Variants in KDM5A observed in about 807,000 individuals in gnomAD.
KDM5A encodes the protein lysine demethylase 5A.
In KDM5A, 42 loss-of-function variants were observed where a neutral mutation model predicts 193.5. That is an observed-to-expected ratio of 0.22 (90% CI 0.17 to 0.28). The LOEUF is 0.28. Among genes scored for constraint, KDM5A ranks in the 10% least tolerant of loss-of-function variants. KDM5A has a pLI of 1.00. For synonymous variants in KDM5A, 796 were observed against 718.1 expected (o/e 1.11, Z -1.73); for missense variants, 1,692 against 2,055.1 (o/e 0.82, Z 3.42).
At chr12:357,461 TA>T (rs1944240770) in intron 5 of KDM5A, among the ~76,000 whole-genome samples, 1 of 150,836 alleles carries the variant, frequency 6.6e-6, no homozygotes, top group African/African-American at 2.4e-5. Flanking sequence ...ATGATTGTCC[TA>T]CCACACCCCA....
chr12:383,902 C>T (rs1165611575), intron 3 of KDM5A, 129 bp downstream of exon 3: 34 of 1,014,838 alleles, frequency 3.4e-5, no homozygotes, highest in Admixed American at 6.9e-5. Flanking sequence ...GCATGCGCCA[C>T]CATACCCAGC....
At position 284,327 on chromosome 12, in the gene KDM5A, T is replaced by C. The variant is rs1460347050; in HGVS notation, c.*1129A>G. 1 of 231,248 alleles carries C rather than the reference T, an allele frequency of 4.3e-6. No homozygotes were observed. Among genetic ancestry groups the C allele is most frequent in the East Asian group, 6.2e-5 (1 of 16,220 alleles). 14.3% of individuals were successfully genotyped at this position (231,248 alleles called of 1,614,324 possible). ...AGAAAAAAGTAAAAACAAGTCCTTT[T>C]TTTTTTTTAAAAATGGATTTACTAA... On this transcript the variant is annotated 3_prime_UTR_variant, in exon 28 of 28. Coordinates refer to ENST00000399788, the MANE Select transcript of KDM5A (RefSeq NM_001042603.3).
intron 22 of KDM5A, 109 bp from the exon 23 acceptor site, chr12:308,114 T>C: frequency 7.8e-7 from 1 of 1,289,110 alleles, no homozygotes; most frequent in Non-Finnish European, 1.1e-6. Context: ...TTATAAACAG[T>C]TTCCTAAAAT....
intron 16 of KDM5A, 88 bp downstream of exon 16, chr12:322,994 A>G: frequency 6.4e-7 from 1 of 1,563,582 alleles, no homozygotes; most frequent in Non-Finnish European, 8.8e-7. Context: ...TTTTTCTTTT[A>G]CGGAAGGAAA....
At chr12:361,263 T>C (rs1329964459) in intron 5 of KDM5A, among the ~76,000 whole-genome samples, 6 of 152,074 alleles carry the variant, frequency 3.9e-5, no homozygotes, top group African/African-American at 1.4e-4. Context: ...GGCGAGATCC[T>C]GGCTCTCTGT....
At chr12:306,486 T>C (rs1419475428) in intron 24 of KDM5A, among the ~76,000 whole-genome samples, 1 of 152,178 alleles carries the variant, frequency 6.6e-6, no homozygotes, top group African/African-American at 2.4e-5. Flanking sequence ...CTCAGGCCTG[T>C]TATCCCAGCA....
At chr12:340,717 A>C (rs1339883960) in intron 10 of KDM5A, among the ~76,000 whole-genome samples, 1 of 149,232 alleles carries the variant, frequency 6.7e-6, no homozygotes, top group South Asian at 2.1e-4. Flanking sequence ...AAAAAAAAAA[A>C]AACCATTAGC....
chr12:311,441 C>T (rs894545161), intron 20 of KDM5A, among the ~76,000 whole-genome samples: 1 of 151,656 alleles, frequency 6.6e-6, no homozygotes, highest in Non-Finnish European at 1.5e-5. Flanking sequence ...GTCAGGAGCT[C>T]GAGACCAGCC....
intron 10 of KDM5A, 65 bp from the exon 11 acceptor site, chr12:334,487 AG>A (rs1943901817): frequency 7.1e-7 from 1 of 1,407,094 alleles, no homozygotes; most frequent in Non-Finnish European, 1.0e-6. Flanking sequence ...AGAAATGCCA[AG>A]GGAGTCTTCC....
rs747479670 is a variant in KDM5A at position 323,704 on chromosome 12, T to C, written c.2046A>G (p.Thr682=). 29 of 1,614,002 alleles carry C rather than the reference T, an allele frequency of 1.8e-5. No homozygotes were observed. The highest frequency in any genetic ancestry group is 2.7e-5 in the African/African-American group (2 of 74,926). ...AACATGTGAGAGCAGAGAGAAAACA[T>C]GTGGTTCTGCATGCTGAACACTGCC... is the stretch of plus-strand genomic sequence containing the variant. ...DERQCSACRT[T]CFLSALTCSC... The change falls in exon 15 of 28, where the codon ACA becomes ACG. Residue 682 remains threonine (T), a synonymous_variant. Coordinates refer to ENST00000399788, the MANE Select transcript of KDM5A (RefSeq NM_001042603.3).
intron 13 of KDM5A, among the ~76,000 whole-genome samples, chr12:329,361 G>A (rs1438652749): frequency 1.3e-5 from 2 of 151,916 alleles, no homozygotes; most frequent in African/African-American, 2.4e-5. Flanking sequence ...ACATGAGCCT[G>A]CCCTTACAAG....
At chr12:376,083 G>A (rs1023054169) in intron 3 of KDM5A, among the ~76,000 whole-genome samples, 5 of 152,206 alleles carry the variant, frequency 3.3e-5, no homozygotes, top group Non-Finnish European at 5.9e-5. Flanking sequence ...TCCATGCTGG[G>A]AGAACCACTG....
At chr12:316,149 G>A (rs747609435) in intron 19 of KDM5A, among the ~76,000 whole-genome samples, 5 of 152,234 alleles carry the variant, frequency 3.3e-5, no homozygotes, top group Non-Finnish European at 5.9e-5. Context: ...GATTAAGGCT[G>A]TGTTTCAGAA....
chr12:316,844 T>C (rs1357725246), intron 19 of KDM5A, among the ~76,000 whole-genome samples: 1 of 152,170 alleles, frequency 6.6e-6, no homozygotes, highest in African/African-American at 2.4e-5. Context: ...CACCTAAATA[T>C]TTTCTTACCA....
chr12:322,325 T>G, intron 17 of KDM5A, 92 bp downstream of exon 17: 1 of 1,161,002 alleles, frequency 8.6e-7, no homozygotes, highest in South Asian at 1.3e-5. Context: ...AGGTCAAAGA[T>G]AATGTACGGC....
chr12:361,995 C>T (rs953329388), intron 5 of KDM5A, among the ~76,000 whole-genome samples: 1 of 152,088 alleles, frequency 6.6e-6, no homozygotes, highest in Admixed American at 6.6e-5. Context: ...TCTACACAAC[C>T]CCAGATTCAG....
intron 26 of KDM5A, among the ~76,000 whole-genome samples, chr12:295,274 A>G (rs1943354274): frequency 6.8e-6 from 1 of 146,730 alleles, no homozygotes; most frequent in Non-Finnish European, 1.5e-5. Flanking sequence ...GGAAGGAAAA[A>G]GGAAAGGAAA....
Position 389,246 on chromosome 12 carries a change from C to T in KDM5A, c.-155G>A. 1.3e-6 allele frequency: 1 copy of T among 779,832 alleles called. No individual in the cohort carries two copies. The highest frequency in any genetic ancestry group is 2.2e-6 in the Non-Finnish European group (1 of 446,674). 48.3% of individuals were successfully genotyped at this position (779,832 alleles called of 1,614,324 possible). ...CACAGAAACCCCAGAATCGCTTCCTCCTCCCGTTTGTTATTGTTTCTTGCA... is the reference window on the plus strand; with the variant it reads ...CACAGAAACCCCAGAATCGCTTCCTTCTCCCGTTTGTTATTGTTTCTTGCA... On this transcript the variant is annotated 5_prime_UTR_variant, in exon 1 of 28. Transcript: ENST00000399788.
chr12:378,262 C>T (rs1201653398), intron 3 of KDM5A, among the ~76,000 whole-genome samples: 1 of 151,982 alleles, frequency 6.6e-6, no homozygotes, highest in African/African-American at 2.4e-5. Context: ...TGCTGATTTT[C>T]ATTTTAAGCC....
Sources: gnomAD v4.1 joint callset for allele counts (sites outside exome capture counted in the v4.1 genomes callset) on GRCh38, gnomAD v4.1.1 for gene constraint, MANE v1.5 for transcripts, NCBI Gene and HGNC (gene_info 2026-07-23, HGNC 2026-07-21) for gene names.